The following ZNF677 variants were observed in gnomAD, a reference collection of about 807,000 sequenced individuals.
ZNF677 encodes zinc finger protein 677.
In ZNF677, 5 loss-of-function variants were observed where a neutral mutation model predicts 8.1. The observed-to-expected ratio is 0.62, with a 90% confidence interval of 0.32 to 1.29. ZNF677 has a LOEUF of 1.29. Ranked by LOEUF, ZNF677 falls within the 50% of genes most tolerant of loss-of-function variation. ZNF677 has a pLI of 0.05. For synonymous variants in ZNF677, 221 were observed against 225.6 expected (o/e 0.98, Z 0.18); for missense variants, 685 against 685.9 (o/e 1.00, Z 0.01).
In ZNF677 at chr19:53,238,087, A is replaced by G; in HGVS notation, c.640T>C (p.Cys214Arg). ...TTGATAGACTTCTCAACTGGATTAC[A>G]TTCATACATTTTCTCCCCAGTTTGA... ...RFQTGEKMYECNPVEKSINSS... is the reference protein window; with the variant it reads ...RFQTGEKMYERNPVEKSINSS... The change falls in exon 5 of 5, where the codon TGT (cysteine) becomes CGT (arginine). Residue 214 changes from cysteine to arginine, a missense_variant. Transcript: ENST00000598513. 5 of 1,614,082 alleles carry G rather than the reference A, an allele frequency of 3.1e-6. No homozygotes were observed. Among genetic ancestry groups the G allele is most frequent in the Non-Finnish European group, 4.2e-6 (5 of 1,179,956 alleles).
intron 3 of ZNF677, among the ~76,000 whole-genome samples, chr19:53,248,823 T>C (rs963366606): frequency 5.9e-5 from 9 of 152,236 alleles, no homozygotes; most frequent in Non-Finnish European, 1.0e-4. Context: ...TTCCTAGGTA[T>C]ACAGATTCAT....
intron 4 of ZNF677, chr19:53,240,994 A>G (rs1424010109): frequency 1.3e-5 from 2 of 152,178 alleles, no homozygotes; most frequent in Non-Finnish European, 2.9e-5. Flanking sequence ...TAAAAAATAG[A>G]AAGTCTATTT....
intron 2 of ZNF677, among the ~76,000 whole-genome samples, chr19:53,252,442 T>C (rs7245428): frequency 0.017 from 2,622 of 152,326 alleles, 87 homozygotes; most frequent in African/African-American, 0.06. Context: ...CAGTTGTAAA[T>C]GAATGTTGAA....
chr19:53,238,472 T>A lies in ZNF677; in HGVS notation c.255A>T (p.Arg85Ser), dbSNP rs912232846. The A allele has an allele frequency of 6.2e-7, 1 of 1,613,080 alleles. No individual in the cohort carries two copies. Among genetic ancestry groups the A allele is most frequent in the Non-Finnish European group, 8.5e-7 (1 of 1,179,798 alleles). Residue 85 changes from arginine to serine, a missense_variant, in exon 5 of 5, where the codon AGA becomes AGT. Transcript: ENST00000598513. ...EELYHLVILE[R>S]KESHGINNFD... ...AATTGTTGATGCCATGGCTTTCCTTTCTTTCTAATATCACCAGATGGTATA... is the reference window on the plus strand; with the variant it reads ...AATTGTTGATGCCATGGCTTTCCTTACTTTCTAATATCACCAGATGGTATA...
intron 3 of ZNF677, among the ~76,000 whole-genome samples, chr19:53,248,341 G>GA (rs891606744): frequency 6.6e-6 from 1 of 152,062 alleles, no homozygotes; most frequent in African/African-American, 2.4e-5. Flanking sequence ...AAATCATATA[G>GA]AAAAAAAGTT....
rs2090975448 is a variant in ZNF677, at chr19:53,236,734, G to A, written c.*238C>T. 1 of 354,896 alleles carries A rather than the reference G, an allele frequency of 2.8e-6. No individual in the cohort carries two copies. Among genetic ancestry groups the A allele is most frequent in the African/African-American group, 2.1e-5 (1 of 47,422 alleles). The allele number at this position is 354,896 out of a possible 1,614,324, so 22.0% of individuals were successfully genotyped here. A position where few individuals can be genotyped will look rare whatever the true frequency, so the allele number is the denominator to read the frequency against. On this transcript the variant is annotated 3_prime_UTR_variant, in exon 5 of 5. Coordinates refer to ENST00000598513, the MANE Select transcript of ZNF677 (RefSeq NM_182609.4). ...AATGTCTTCTGTTATAACCATAATA[G>A]GGTAAATATTTTTATAAAGCTGTTC... is the stretch of plus-strand genomic sequence containing the variant.
chr19:53,242,627 T>C, intron 4 of ZNF677: 1 of 387,614 alleles, frequency 2.6e-6, no homozygotes, highest in Non-Finnish European at 4.5e-6. Flanking sequence ...CGACAGTCTT[T>C]CAAATTTCAG....
chr19:53,249,661 C>A (rs1480190646), intron 3 of ZNF677, among the ~76,000 whole-genome samples: 3 of 152,116 alleles, frequency 2.0e-5, no homozygotes, highest in Non-Finnish European at 4.4e-5. Context: ...GTGGACTGGA[C>A]AACATAATGT....
rs2090972153 is a variant in ZNF677, at chr19:53,236,276, T to A, written c.*696A>T. The A allele has an allele frequency of 6.6e-6, 1 of 152,202 alleles. No homozygotes were observed. Among genetic ancestry groups the A allele is most frequent in the Non-Finnish European group, 1.5e-5 (1 of 68,036 alleles). 9.4% of individuals were successfully genotyped at this position (152,202 alleles called of 1,614,324 possible). On this transcript the variant is annotated 3_prime_UTR_variant, in exon 5 of 5. Transcript: ENST00000598513. ...TATAAAGAAGCCACACCTAAGGAAG[T>A]AGTCCCTTCCATCTTACATCCATTC...
chr19:53,241,451 T>C (rs184617320), intron 4 of ZNF677: 145 of 174,794 alleles, frequency 8.3e-4, no homozygotes, highest in African/African-American at 3.2e-3. Context: ...TGAAGAAAAA[T>C]GTACAACTGC....
intron 3 of ZNF677, chr19:53,244,105 TA>T: frequency 3.8e-6 from 2 of 520,868 alleles, no homozygotes; most frequent in Non-Finnish European, 6.7e-6. Context: ...CTCACACCTG[TA>T]ATTTCAGCAC....
rs753978468 is a variant in ZNF677 at position 53,253,093 on chromosome 19, TAAG to T, written c.-66_-64del. 8 of 152,330 alleles carry T rather than the reference TAAG, an allele frequency of 5.3e-5. No individual in the cohort carries two copies. In the East Asian group the frequency reaches 9.6e-4, roughly 18 times the overall value. The allele number at this position is 152,330 out of a possible 1,614,324, so 9.4% of individuals were successfully genotyped here. Reference sequence around the variant, plus strand: ...AAGGGAAAATATATTTACCATTCATTAAGAAGAAGTGGATCATCACAGTTCATC... The same window carrying T: ...AAGGGAAAATATATTTACCATTCATTAAGAAGTGGATCATCACAGTTCATC... On this transcript the variant is annotated 5_prime_UTR_variant, in exon 2 of 5. Transcript: ENST00000598513.
At chr19:53,253,791 C>T (rs12609111) in intron 1 of ZNF677, among the ~76,000 whole-genome samples, 15,275 of 151,896 alleles carry the variant, frequency 0.1, 1,028 homozygotes, top group East Asian at 0.25. Flanking sequence ...TTTTTAAATC[C>T]AATAAATTAT....
rs2090992837 is a variant in ZNF677 at position 53,237,987 on chromosome 19, G to A, written c.740C>T (p.Pro247Leu). Residue 247 changes from proline (P) to leucine (L), a missense_variant, in exon 5 of 5, where the codon CCT (proline) becomes CTT (leucine). Pro to Leu is a moderately conservative substitution (Grantham distance 98). Transcript: ENST00000598513. Reference sequence around the variant, plus strand: ...TCTCCCATACTGTGTATGTAATAAAGGGTATTTCAAAATCTTCCTATATTT... The same window carrying A: ...TCTCCCATACTGTGTATGTAATAAAAGGTATTTCAAAATCTTCCTATATTT... ...CNKYRKILKYPLLHTQYGRTH... is the reference protein window; with the variant it reads ...CNKYRKILKYLLLHTQYGRTH... 15 of 1,612,834 alleles carry A rather than the reference G, an allele frequency of 9.3e-6. No homozygotes were observed. The highest frequency in any genetic ancestry group is 1.0e-5 in the Non-Finnish European group (12 of 1,179,788).
chr19:53,240,467 T>G (rs1211979511), intron 4 of ZNF677: 1 of 152,178 alleles, frequency 6.6e-6, no homozygotes, highest in African/African-American at 2.4e-5. Flanking sequence ...AGGATCGTCT[T>G]GATCTCCTGA....
intron 1 of ZNF677, among the ~76,000 whole-genome samples, chr19:53,254,277 C>T (rs1390378625): frequency 6.6e-6 from 1 of 151,382 alleles, no homozygotes; most frequent in Non-Finnish European, 1.5e-5. Flanking sequence ...TGTTTCTTTC[C>T]TTTTCTTTTT....
chr19:53,237,699 C>G lies in ZNF677; in HGVS notation c.1028G>C (p.Gly343Ala). 1 of 1,613,534 alleles carries G rather than the reference C, an allele frequency of 6.2e-7. No homozygotes were observed. The highest frequency in any genetic ancestry group is 1.1e-5 in the South Asian group (1 of 90,954). Residue 343 changes from glycine (G) to alanine (A), a missense_variant, in exon 5 of 5, where the codon GGA (glycine) becomes GCA (alanine). Coordinates refer to ENST00000598513, the MANE Select transcript of ZNF677 (RefSeq NM_182609.4). ...TTCATTACATTTGTAAGGTTTCTCT[C>G]CAGTATGCATCCTCTGATGACTTGC... ...NLASHQRMHT[G>A]EKPYKCNECG...
intron 3 of ZNF677, among the ~76,000 whole-genome samples, chr19:53,245,556 C>T (rs2914376): frequency 0.4 from 61,315 of 151,674 alleles, 13,184 homozygotes; most frequent in East Asian, 0.75. Flanking sequence ...ACCAGGAAAA[C>T]GCAAATCAAC....
At position 53,237,279 on chromosome 19, in the gene ZNF677, C is replaced by T. The variant is rs778089598; in HGVS notation, c.1448G>A (p.Gly483Glu). 2 of 1,613,690 alleles carry T rather than the reference C, an allele frequency of 1.2e-6. No individual in the cohort carries two copies. ...TTCAGTACATTTGTAAGGTTTCTCTCCAGTATGAGTTCTCTGATGACCCCA... is the reference window on the plus strand; with the variant it reads ...TTCAGTACATTTGTAAGGTTTCTCTTCAGTATGAGTTCTCTGATGACCCCA... ...HLWGHQRTHT[G>E]EKPYKCTECG... Residue 483 changes from glycine (G) to glutamate (E), a missense_variant, in exon 5 of 5, where the codon GGA becomes GAA. Physicochemically the swap from Gly to Glu is moderately conservative, Grantham distance 98. Coordinates refer to ENST00000598513, the MANE Select transcript of ZNF677 (RefSeq NM_182609.4).
Sources: allele counts gnomAD v4.1 joint callset (sites outside exome capture counted in the v4.1 genomes callset), GRCh38; gene constraint gnomAD v4.1.1; transcripts MANE v1.5; gene names NCBI Gene and HGNC (gene_info 2026-07-23, HGNC 2026-07-21).